The following PPP6R2 variants were observed in gnomAD, a reference collection of about 807,000 sequenced individuals.
PPP6R2 encodes serine/threonine-protein phosphatase 6 regulatory subunit 2.
In PPP6R2, 62 loss-of-function variants were observed where a neutral mutation model predicts 100.2. The observed-to-expected ratio is 0.62, with a 90% CI of 0.50 to 0.76. PPP6R2 has a LOEUF of 0.76. Among genes scored for constraint, PPP6R2 ranks in the 30% least tolerant of loss-of-function variants. The pLI is 0.00. For missense variants in PPP6R2, 1,142 were observed against 1,276.3 expected (o/e 0.89, Z 1.60); for synonymous variants, 525 against 514.7 (o/e 1.02, Z -0.27).
At chr22:50,349,105 G>C (rs1387641762) in intron 1 of PPP6R2, among the ~76,000 whole-genome samples, 2 of 149,822 alleles carry the variant, frequency 1.3e-5, no homozygotes, top group Non-Finnish European at 3.0e-5. Flanking sequence ...TGGGGCAGGA[G>C]AATCGCTTGA....
At chr22:50,391,702 G>GGT (rs2055593792) in intron 2 of PPP6R2, among the ~76,000 whole-genome samples, 2 of 144,922 alleles carry the variant, frequency 1.4e-5, no homozygotes, top group Admixed American at 1.4e-4. Flanking sequence ...GTATCTTGCT[G>GGT]TTTTTTTTTT....
At chr22:50,409,888 G>C (rs1247509949) in intron 4 of PPP6R2, among the ~76,000 whole-genome samples, 1 of 151,658 alleles carries the variant, frequency 6.6e-6, no homozygotes, top group African/African-American at 2.4e-5. Flanking sequence ...CACCACACTG[G>C]GGTAATTTTT....
rs773792043 is a variant in PPP6R2, at chr22:50,423,630, A to G, written c.1125+16A>G. ...CTTACTGCTGGTAAGTGGGCCCCTC[A>G]GCCAGCCCTGCATGTCTGTGAGTGT... On this transcript the variant is annotated intron_variant, in intron 10 of 23. Coordinates refer to ENST00000612753, the MANE Select transcript of PPP6R2 (RefSeq NM_001242898.2). This position sits in a 1 kb window ranked among gnomAD's most constrained non-coding sequence, Gnocchi z 4.8. The G allele has an allele frequency of 6.2e-7, 1 of 1,613,698 alleles. No homozygotes were observed. Among genetic ancestry groups the G allele is most frequent in the East Asian group, 2.2e-5 (1 of 44,878 alleles).
chr22:50,390,108 C>G (rs1417364897), intron 2 of PPP6R2, among the ~76,000 whole-genome samples: 1 of 151,338 alleles, frequency 6.6e-6, no homozygotes, highest in Non-Finnish European at 1.5e-5. Context: ...TCTCCTGCCT[C>G]AGCCTCCCAA....
At chr22:50,414,329 T>TG (rs2060185161) in intron 4 of PPP6R2, among the ~76,000 whole-genome samples, 5 of 27,098 alleles carry the variant, frequency 1.8e-4, no homozygotes, top group African/African-American at 5.5e-4. Flanking sequence ...CCCTGTGCAG[T>TG]GGCCCCCCCC....
chr22:50,437,524 A>C lies in PPP6R2; in HGVS notation c.1702A>C (p.Ile568Leu). 1 of 1,476,104 alleles carries C rather than the reference A, an allele frequency of 6.8e-7. No individual in the cohort carries two copies. The highest frequency in any genetic ancestry group is 9.2e-7 in the Non-Finnish European group (1 of 1,090,506). The allele number at this position is 1,476,104 out of a possible 1,614,324, so 91.4% of individuals were successfully genotyped here. Residue 568 changes from isoleucine (I) to leucine (L), a missense_variant, in exon 16 of 24, where the codon ATC becomes CTC. By Grantham distance (5) the Ile-to-Leu change is conservative (BLOSUM62 2). Transcript: ENST00000612753. ...CTCCCAGGCCTTCTCTGACTACCAG[A>C]TCCAGCAGATGACAGCCAACTTCGT... ...SLQQAFSDYQIQQMTANFVDQ... is the reference protein window; with the variant it reads ...SLQQAFSDYQLQQMTANFVDQ...
chr22:50,341,397 G>A (rs146545038), upstream of PPP6R2, among the ~76,000 whole-genome samples: 211 of 151,812 alleles, frequency 1.4e-3, no homozygotes, highest in African/African-American at 5.0e-3. Context: ...AGAGACAGGG[G>A]CCCCACTTGT....
At chr22:50,435,990 G>T (rs918566455) in intron 13 of PPP6R2, among the ~76,000 whole-genome samples, 3 of 152,198 alleles carry the variant, frequency 2.0e-5, no homozygotes, top group African/African-American at 7.2e-5. Context: ...CTGTGAGGTG[G>T]GGGGAAGGAA....
intron 1 of PPP6R2, among the ~76,000 whole-genome samples, chr22:50,359,001 C>G (rs868774258): frequency 1.9e-5 from 2 of 106,970 alleles, no homozygotes; most frequent in Admixed American, 9.0e-5. Flanking sequence ...CCCCCCCCCC[C>G]CCCCCAACTC....
intron 10 of PPP6R2, among the ~76,000 whole-genome samples, chr22:50,426,140 A>G (rs1250718825): frequency 1.3e-5 from 2 of 151,944 alleles, no homozygotes; most frequent in Non-Finnish European, 2.9e-5. Context: ...TTTTGTAGAG[A>G]TGGGGTCTCG....
chr22:50,350,740 G>A (rs2044900035), intron 1 of PPP6R2, among the ~76,000 whole-genome samples: 3 of 151,312 alleles, frequency 2.0e-5, no homozygotes, highest in Admixed American at 2.0e-4. Context: ...AGCTACTTGG[G>A]AGGCTGAGGC....
intron 1 of PPP6R2, among the ~76,000 whole-genome samples, chr22:50,361,148 C>G (rs958740421): frequency 2.0e-5 from 3 of 152,166 alleles, no homozygotes; most frequent in African/African-American, 7.2e-5. Flanking sequence ...TGGACTAGTT[C>G]GGTCCTGGGT....
At chr22:50,436,905 G>A (rs1202405826) in intron 14 of PPP6R2, 83 bp from the exon 15 acceptor site, 3 of 1,139,194 alleles carry the variant, frequency 2.6e-6, no homozygotes, top group Non-Finnish European at 3.9e-6. Flanking sequence ...CCCTGGGCTG[G>A]GCATGGTCCT....
chr22:50,359,211 G>T (rs1340705400), intron 1 of PPP6R2, among the ~76,000 whole-genome samples: 3 of 135,626 alleles, frequency 2.2e-5, no homozygotes, highest in Non-Finnish European at 4.8e-5. Flanking sequence ...TGTTGGCCAG[G>T]CTGGTCTTTT....
At chr22:50,421,020 A>G (rs2061261113) in intron 8 of PPP6R2, among the ~76,000 whole-genome samples, 1 of 152,224 alleles carries the variant, frequency 6.6e-6, no homozygotes, top group Non-Finnish European at 1.5e-5. Context: ...AGTGAAAGAA[A>G]AAGGAACAAT....
At chr22:50,365,871 A>T (rs759977835) in intron 1 of PPP6R2, among the ~76,000 whole-genome samples, 2 of 151,904 alleles carry the variant, frequency 1.3e-5, no homozygotes, top group Non-Finnish European at 2.9e-5. Flanking sequence ...GGGATTATAG[A>T]CATGAGCCCC....
At chr22:50,442,003 G>C (rs898379004) in intron 22 of PPP6R2, among the ~76,000 whole-genome samples, 9 of 152,154 alleles carry the variant, frequency 5.9e-5, no homozygotes, top group Non-Finnish European at 7.4e-5. Context: ...CAACAGTGGG[G>C]AAGTCCTCGG....
intron 3 of PPP6R2, among the ~76,000 whole-genome samples, chr22:50,396,072 G>A (rs1443278242): frequency 2.0e-5 from 3 of 148,934 alleles, no homozygotes; most frequent in African/African-American, 5.0e-5. Context: ...GCGCACGCCT[G>A]TAATCTCAGC....
chr22:50,424,038 A>C (rs1353474854), intron 10 of PPP6R2, among the ~76,000 whole-genome samples: 3 of 152,256 alleles, frequency 2.0e-5, no homozygotes, highest in Admixed American at 2.0e-4. Flanking sequence ...GCCAGCGGGC[A>C]GTGCCTCTCC....
Sources: allele counts gnomAD v4.1 joint callset (sites outside exome capture counted in the v4.1 genomes callset), GRCh38; gene constraint gnomAD v4.1.1; non-coding constraint Gnocchi (gnomAD v3.1); transcripts MANE v1.5; gene names NCBI Gene and HGNC (gene_info 2026-07-23, HGNC 2026-07-21).